The following NEBL variants were observed in gnomAD, a reference collection of about 807,000 sequenced individuals.
The protein encoded by NEBL is LIM and SH3 protein 2.
In NEBL, 122 loss-of-function variants were observed where a neutral mutation model predicts 140.2. The ratio of observed to expected loss-of-function variants is 0.87; its 90% CI spans 0.75 to 1.01. NEBL has a LOEUF of 1.01. Ranked by LOEUF, NEBL falls within the 50% of genes least tolerant of loss-of-function variation. NEBL has a pLI of 0.00. For missense variants in NEBL, 1,365 were observed against 1,231.3 expected (o/e 1.11, Z -1.62); for synonymous variants, 436 against 398.9 (o/e 1.09, Z -1.11).
At chr10:20,857,644 G>A (rs906389635) in intron 9 of NEBL, among the ~76,000 whole-genome samples, 6 of 152,122 alleles carry the variant, frequency 3.9e-5, no homozygotes, top group Non-Finnish European at 5.9e-5. Context: ...ACAGCATTCA[G>A]CGTAGTGAGA....
At chr10:20,855,203 T>C (rs950396562) in intron 9 of NEBL, among the ~76,000 whole-genome samples, 25 of 149,052 alleles carry the variant, frequency 1.7e-4, no homozygotes, top group Admixed American at 6.7e-4. Flanking sequence ...CACTCCATCC[T>C]GGAGACAGAG....
At position 21,239,775 on chromosome 10, in the gene NEBL, T is replaced by TG. The variant is rs1254087146; in HGVS notation, n.348+8145dup. 2.6e-5 allele frequency among the ~76,000 whole-genome samples: 4 copies of TG among 152,090 alleles called. No homozygotes were observed. The East Asian group carries it at 5.8e-4, about 22-fold the overall frequency. On this transcript the variant is annotated intron_variant and non_coding_transcript_variant, in intron 3 of 8. Transcript: ENST00000675702. ...GCTCACGCCTGTAATCCCAGCACTT[T>TG]GGAGGTTGAGGTGGGCGGATTACAA...
intron 4 of NEBL, among the ~76,000 whole-genome samples, chr10:20,911,370 G>A (rs914102190): frequency 6.6e-6 from 1 of 152,132 alleles, no homozygotes; most frequent in Admixed American, 6.5e-5. Flanking sequence ...ATTCAACACA[G>A]TTAAATGTAT....
chr10:21,194,361 T>C (rs991970549), intron 3 of NEBL, among the ~76,000 whole-genome samples: 2 of 152,152 alleles, frequency 1.3e-5, no homozygotes. Context: ...AAAAAAGTTA[T>C]TGAAGTAAGC....
chr10:21,018,885 G>A (rs561928873), intron 3 of NEBL, among the ~76,000 whole-genome samples: 10 of 152,264 alleles, frequency 6.6e-5, no homozygotes, highest in East Asian at 1.9e-4. Context: ...AAAATTAGCC[G>A]GGTGTGGTAG....
At chr10:21,128,148 C>T (rs967753401) in intron 2 of NEBL, among the ~76,000 whole-genome samples, 1 of 152,148 alleles carries the variant, frequency 6.6e-6, no homozygotes, top group Non-Finnish European at 1.5e-5. Flanking sequence ...AAAGGAAACA[C>T]AAACAGTAAA....
chr10:21,181,317 C>A (rs2132205155), intron 3 of NEBL, among the ~76,000 whole-genome samples: 1 of 150,908 alleles, frequency 6.6e-6, no homozygotes. Context: ...CGCACGTATC[C>A]CGGAGCCTAA....
intron 1 of NEBL, among the ~76,000 whole-genome samples, chr10:21,281,140 C>T (rs955497497): frequency 3.3e-5 from 5 of 152,182 alleles, no homozygotes; most frequent in Non-Finnish European, 5.9e-5. Flanking sequence ...ATTCACCAGA[C>T]CTGGAGGCCT....
intron 3 of NEBL, among the ~76,000 whole-genome samples, chr10:21,196,317 A>T (rs564407410): frequency 4.8e-4 from 61 of 127,058 alleles, no homozygotes; most frequent in African/African-American, 6.5e-4. Flanking sequence ...TTTTATTTTT[A>T]TTTATTTATT....
At chr10:21,274,708 G>A (rs990485976) in intron 1 of NEBL, among the ~76,000 whole-genome samples, 2 of 152,178 alleles carry the variant, frequency 1.3e-5, no homozygotes, top group Admixed American at 6.5e-5. Flanking sequence ...TTACAAGTTT[G>A]AGCCACCACA....
At chr10:21,012,739 G>T (rs1162677514) in intron 3 of NEBL, among the ~76,000 whole-genome samples, 3 of 152,014 alleles carry the variant, frequency 2.0e-5, no homozygotes, top group Admixed American at 6.6e-5. Flanking sequence ...TAATACAAGG[G>T]CCAGTTACCA....
At position 20,881,756 on chromosome 10, in the gene NEBL, G is replaced by T. The variant is rs144291846; in HGVS notation, c.370-852C>A. Reference sequence around the variant, plus strand: ...GGCACAAAACATTTGTTCAGTGAATGAATAAATAAATAAGTGAATGAATAA... The same window carrying T: ...GGCACAAAACATTTGTTCAGTGAATTAATAAATAAATAAGTGAATGAATAA... On this transcript the variant is annotated intron_variant, in intron 4 of 27. Transcript: ENST00000377122. Among the ~76,000 whole-genome samples the T allele has an allele frequency of 1.8e-3, 267 of 152,114 alleles. 1 individual carries two copies. Among genetic ancestry groups the T allele is most frequent in the Middle Eastern group, 6.8e-3 (2 of 294 alleles).
At chr10:20,929,356 T>C (rs1834067871) in intron 4 of NEBL, among the ~76,000 whole-genome samples, 1 of 152,092 alleles carries the variant, frequency 6.6e-6, no homozygotes, top group African/African-American at 2.4e-5. Context: ...ATTTTATTTG[T>C]CAATATTAAG....
At chr10:21,191,928 AT>A (rs994387671) in intron 3 of NEBL, among the ~76,000 whole-genome samples, 73 of 152,350 alleles carry the variant, frequency 4.8e-4, no homozygotes, top group African/African-American at 1.7e-3. Context: ...TGACAGTCAA[AT>A]ATCTGTAAAA....
At chr10:21,263,831 G>A (rs572519258) in intron 1 of NEBL, among the ~76,000 whole-genome samples, 3 of 152,134 alleles carry the variant, frequency 2.0e-5, no homozygotes, top group Non-Finnish European at 4.4e-5. Context: ...CGGGCGTGGT[G>A]GTGGGTGCCT....
At chr10:21,050,588 T>C (rs755160469) in intron 2 of NEBL, among the ~76,000 whole-genome samples, 8 of 151,998 alleles carry the variant, frequency 5.3e-5, no homozygotes, top group Non-Finnish European at 1.0e-4. Context: ...TAAAGCAAAA[T>C]AAAGAAAGTG....
intron 4 of NEBL, among the ~76,000 whole-genome samples, chr10:20,882,662 T>C (rs1588931425): frequency 6.6e-6 from 1 of 152,166 alleles, no homozygotes. Context: ...CCCATTCCAC[T>C]TGGATAATAT....
At chr10:21,203,387 T>C (rs534854058) in intron 3 of NEBL, among the ~76,000 whole-genome samples, 1 of 152,238 alleles carries the variant, frequency 6.6e-6, no homozygotes, top group African/African-American at 2.4e-5. Context: ...TAAAAAAGAC[T>C]GAGAAATTGC....
intron 4 of NEBL, among the ~76,000 whole-genome samples, chr10:20,934,391 T>C (rs1413470968): frequency 4.6e-5 from 7 of 152,190 alleles, no homozygotes; most frequent in Non-Finnish European, 1.0e-4. Context: ...GACTTACTAA[T>C]GTGCACTAAC....
Sources: gnomAD v4.1 joint callset for allele counts (sites outside exome capture counted in the v4.1 genomes callset) on GRCh38, gnomAD v4.1.1 for gene constraint, MANE v1.5 for transcripts, NCBI Gene and HGNC (gene_info 2026-07-23, HGNC 2026-07-21) for gene names.